The following CELSR2 variants were observed in gnomAD, a reference collection of about 807,000 sequenced individuals.
The protein encoded by CELSR2 is EGF-like protein 2.
A neutral mutation model predicts 251.6 loss-of-function variants in CELSR2; 81 were observed. That is an observed-to-expected ratio of 0.32 (90% CI 0.27 to 0.39). CELSR2 has a LOEUF of 0.39. Among genes scored for constraint, CELSR2 ranks in the 10% least tolerant of loss-of-function variants. The pLI, the probability that CELSR2 is intolerant of heterozygous loss-of-function variation, is 1.00. For missense variants in CELSR2, 3,365 were observed against 3,947.7 expected (o/e 0.85, Z 3.96); for synonymous variants, 1,721 against 1,670.5 (o/e 1.03, Z -0.74).
intron 9 of CELSR2, 135 bp downstream of exon 9, chr1:109,263,912 G>A (rs1418226854): frequency 4.3e-6 from 6 of 1,389,716 alleles, no homozygotes; most frequent in Non-Finnish European, 5.8e-6. Context: ...CGTTGGGAAG[G>A]TCAATGCTGC....
Position 109,252,707 on chromosome 1 carries a change from A to G in CELSR2, c.2628A>G (p.Leu876=), listed in dbSNP as rs374928321. Residue 876 remains leucine, a synonymous_variant, in exon 1 of 34, where the codon CTA becomes CTG. Transcript: ENST00000271332. This position sits in a 1 kb window ranked among gnomAD's most constrained non-coding sequence, Gnocchi z 4.8. The part of the protein sequence containing the change: ...VESTSGIVRT[L]RRLDRENVAQ... ...CCACGTCAGGCATCGTGCGAACGCT[A>G]CGGAGGCTGGATCGAGAGAACGTGG... The G allele has an allele frequency of 8.9e-5, 143 of 1,613,918 alleles. No individual in the cohort carries two copies. The highest frequency in any genetic ancestry group is 1.3e-4 in the East Asian group (6 of 44,894).
At position 109,264,588 on chromosome 1, in the gene CELSR2, C is replaced by T. The variant is rs1191685581; in HGVS notation, c.5424C>T (p.Cys1808=). Residue 1808 remains cysteine, a synonymous_variant, in exon 11 of 34, where the codon TGC becomes TGT. Transcript: ENST00000271332. The part of the protein sequence containing the change: ...DSNPCPANSY[C]SNDWDSYSCS... ...ACCCGTGTCCTGCTAACAGCTATTG[C>T]AGCAACGACTGGGACAGCTATTCCT... The T allele has an allele frequency of 1.9e-6, 3 of 1,613,998 alleles. No individual in the cohort carries two copies. Among genetic ancestry groups the T allele is most frequent in the South Asian group, 2.2e-5 (2 of 91,092 alleles).
Position 109,273,686 on chromosome 1 carries a change from T to C in CELSR2, c.8744+16T>C. On this transcript the variant is annotated intron_variant, in intron 33 of 33. Coordinates refer to ENST00000271332, the MANE Select transcript of CELSR2 (RefSeq NM_001408.3). The stretch of plus-strand genomic sequence containing the variant: ...CAGGCTCCGAGTGAGTGTGGCCGGG[T>C]GGGCGGGACGGGGTGCAGCCCCTCG... 1 of 503,304 alleles carries C rather than the reference T, an allele frequency of 2.0e-6. No individual in the cohort carries two copies. The highest frequency in any genetic ancestry group is 3.5e-6 in the Non-Finnish European group (1 of 287,066). 31.2% of individuals were successfully genotyped at this position (503,304 alleles called of 1,614,324 possible). A position where few individuals can be genotyped will look rare whatever the true frequency, so the allele number is the denominator to read the frequency against.
In CELSR2 at chr1:109,264,469, G is replaced by A. The variant is rs372896199; in HGVS notation, c.5305G>A (p.Asp1769Asn). 1.5e-4 allele frequency: 238 copies of A among 1,613,030 alleles called. No individual in the cohort carries two copies. Among genetic ancestry groups the A allele is most frequent in the Middle Eastern group, 3.3e-4 (2 of 6,084 alleles). Residue 1769 changes from aspartate to asparagine, a missense_variant, in exon 11 of 34, where the codon GAT (aspartate) becomes AAT (asparagine). This residue lies in a region of CELSR2 where 2,093 missense variants were observed against 2,382.8 expected (regional missense o/e 0.88). Coordinates refer to ENST00000271332, the MANE Select transcript of CELSR2 (RefSeq NM_001408.3). ...TCCCTCCCAGGGTGTGCGGGTGAGC[G>A]ATACGCCGGAGGGGGTTAACAGCCT... ...RGCLQGVRVS[D>N]TPEGVNSLDP...
At chr1:109,253,763 G>A (rs558581057) in intron 1 of CELSR2, among the ~76,000 whole-genome samples, 3 of 152,352 alleles carry the variant, frequency 2.0e-5, no homozygotes, top group African/African-American at 4.8e-5. Flanking sequence ...GGACTGTGGC[G>A]CAGGAGAGGA....
At chr1:109,272,010 C>A (rs1486244818) in intron 28 of CELSR2, among the ~76,000 whole-genome samples, 1 of 152,200 alleles carries the variant, frequency 6.6e-6, no homozygotes, top group African/African-American at 2.4e-5. Flanking sequence ...AAGGTGCTCT[C>A]AGGAGACAAT....
chr1:109,266,206 G>A lies in CELSR2; in HGVS notation c.6013G>A (p.Gly2005Arg). 6.2e-7 allele frequency: 1 copy of A among 1,614,028 alleles called. No individual in the cohort carries two copies. The highest frequency in any genetic ancestry group is 8.5e-7 in the Non-Finnish European group (1 of 1,179,990). Residue 2005 changes from glycine to arginine, a missense_variant and splice_region_variant, in exon 15 of 34, where the codon GGG (glycine) becomes AGG (arginine). Gly to Arg is a moderately radical substitution (Grantham distance 125). This residue lies in a region of CELSR2 where 2,093 missense variants were observed against 2,382.8 expected (regional missense o/e 0.88). Coordinates refer to ENST00000271332, the MANE Select transcript of CELSR2 (RefSeq NM_001408.3). ...AAAPCPKGSF[G>R]TAVRHCDEHR... ...TGCTCCCTGTCCCAAAGGCTCCTTT[G>A]GTAGGTGTTGGAGGCCCCGATGTGA...
chr1:109,268,194 C>T (rs1656259188), intron 17 of CELSR2, 134 bp downstream of exon 17: 1 of 1,327,180 alleles, frequency 7.5e-7, no homozygotes, highest in Non-Finnish European at 1.0e-6. Flanking sequence ...AGGAGGCCTC[C>T]ATGAAACCCT....
rs1315992028 is a variant in CELSR2, at chr1:109,251,279, T to C, written c.1200T>C (p.Ser400=). 2.1e-5 allele frequency: 34 copies of C among 1,613,902 alleles called. No homozygotes were observed. Among genetic ancestry groups the C allele is most frequent in the African/African-American group, 4.0e-5 (3 of 74,872 alleles). The change falls in exon 1 of 34, where the codon AGT becomes AGC. Residue 400 remains serine (S), a synonymous_variant. Coordinates refer to ENST00000271332, the MANE Select transcript of CELSR2 (RefSeq NM_001408.3). This position sits in a 1 kb window ranked among gnomAD's most constrained non-coding sequence, Gnocchi z 4.9. ...ACAATGATAATGCCCCCCAGTTTAG[T>C]GAGAAGCGCTATGTGGTCCAGGTGA... The part of the protein sequence containing the change: ...EDDNDNAPQF[S]EKRYVVQVRE...
In CELSR2 at chr1:109,269,585, C is replaced by T. The variant is rs752751655; in HGVS notation, c.6974C>T (p.Ser2325Leu). Residue 2325 changes from serine to leucine, a missense_variant, in exon 21 of 34, where the codon TCA becomes TTA. By Grantham distance (145) the Ser-to-Leu change is moderately radical. This residue lies in a region of CELSR2 where 2,093 missense variants were observed against 2,382.8 expected (regional missense o/e 0.88). Transcript: ENST00000271332. This position sits in a 1 kb window ranked among gnomAD's most constrained non-coding sequence, Gnocchi z 6.4. ...CCCATCTGTGTCTTCTGGAACCATT[C>T]AATCCTGTGAGCCTGCACTGCCCTC... ...TKPICVFWNH[S>L]ILVSGTGGWS... 6.2e-7 allele frequency: 1 copy of T among 1,614,132 alleles called. No homozygotes were observed. The highest frequency in any genetic ancestry group is 8.5e-7 in the Non-Finnish European group (1 of 1,180,014).
Position 109,261,308 on chromosome 1 carries a change from A to C in CELSR2, c.4181+44A>C, listed in dbSNP as rs1465542710. On this transcript the variant is annotated intron_variant, in intron 3 of 33. Coordinates refer to ENST00000271332, the MANE Select transcript of CELSR2 (RefSeq NM_001408.3). The surrounding 1 kb of genome is among the most constrained non-coding windows in gnomAD (Gnocchi z 4.8). ...GGGGTGGGGAGTGGGCCTGGTGGGC[A>C]TCTGAGGTGCCTCCTGTTCTGTGGT... 2 of 1,566,912 alleles carry C rather than the reference A, an allele frequency of 1.3e-6. No homozygotes were observed. Among genetic ancestry groups the C allele is most frequent in the African/African-American group, 2.7e-5 (2 of 74,000 alleles).
In CELSR2 at chr1:109,273,194, C is replaced by T. The variant is rs768272228; in HGVS notation, c.8367C>T (p.Pro2789=). 29 of 1,613,394 alleles carry T rather than the reference C, an allele frequency of 1.8e-5. No homozygotes were observed. Among genetic ancestry groups the T allele is most frequent in the Admixed American group, 1.0e-4 (6 of 59,864 alleles). ...GGGGCCCAGGGCCTGGCAAGGCCCCCTGGCCAGGAGACTTTGGGACCACAG... is the reference window on the plus strand; with the variant it reads ...GGGGCCCAGGGCCTGGCAAGGCCCCTTGGCCAGGAGACTTTGGGACCACAG... ...KDGGPGPGKA[P]WPGDFGTTAK... is the part of the protein sequence containing the mutation. The change falls in exon 32 of 34, where the codon CCC becomes CCT. Residue 2789 remains proline, a synonymous_variant. Coordinates refer to ENST00000271332, the MANE Select transcript of CELSR2 (RefSeq NM_001408.3).
chr1:109,254,578 G>T (rs537479408), intron 1 of CELSR2, among the ~76,000 whole-genome samples: 4 of 152,276 alleles, frequency 2.6e-5, no homozygotes, highest in Admixed American at 2.6e-4. Context: ...CCCAGGGGTG[G>T]ATCAGGTCAC....
Position 109,265,082 on chromosome 1 carries a change from C to T in CELSR2, c.5606+73C>T, listed in dbSNP as rs1401983625. 15 of 1,600,862 alleles carry T rather than the reference C, an allele frequency of 9.4e-6. No homozygotes were observed. In the East Asian group the frequency reaches 1.1e-4, roughly 12 times the overall value. ...CTCTCTGGTGTGTCCCTCAGAGCCCCGAAAGCCTGGCTGATCCACAGCCAG... is the reference window on the plus strand; with the variant it reads ...CTCTCTGGTGTGTCCCTCAGAGCCCTGAAAGCCTGGCTGATCCACAGCCAG... On this transcript the variant is annotated intron_variant, in intron 12 of 33. Coordinates refer to ENST00000271332, the MANE Select transcript of CELSR2 (RefSeq NM_001408.3).
chr1:109,259,737 C>T (rs914943516), intron 2 of CELSR2, among the ~76,000 whole-genome samples: 1 of 152,164 alleles, frequency 6.6e-6, no homozygotes, highest in African/African-American at 2.4e-5. Context: ...CTCCAGAAAA[C>T]CATTGCACCT....
chr1:109,250,636 A>G lies in CELSR2; in HGVS notation c.557A>G (p.Tyr186Cys). Residue 186 changes from tyrosine to cysteine, a missense_variant, in exon 1 of 34, where the codon TAC (tyrosine) becomes TGC (cysteine). Coordinates refer to ENST00000271332, the MANE Select transcript of CELSR2 (RefSeq NM_001408.3). This position sits in a 1 kb window ranked among gnomAD's most constrained non-coding sequence, Gnocchi z 4.4. The part of the protein sequence containing the change: ...NTAPQFQPPS[Y>C]QATVPENQPA... ...GCCCCCCAGTTCCAGCCCCCCAGCT[A>G]CCAGGCCACAGTGCCGGAGAACCAG... The G allele has an allele frequency of 6.2e-7, 1 of 1,613,756 alleles. No individual in the cohort carries two copies. The highest frequency in any genetic ancestry group is 1.3e-5 in the African/African-American group (1 of 74,972).
intron 9 of CELSR2, 106 bp downstream of exon 9, chr1:109,263,883 A>T: frequency 6.9e-7 from 1 of 1,443,258 alleles, no homozygotes; most frequent in East Asian, 2.4e-5. Context: ...GGGTGGGGAC[A>T]TATAGAGGCC....
In CELSR2 at chr1:109,265,392, G is replaced by A. The variant is rs115274210; in HGVS notation, c.5727+81G>A. On this transcript the variant is annotated intron_variant, in intron 13 of 33. Transcript: ENST00000271332. Reference sequence around the variant, plus strand: ...CTGGGCCCTAGAGGGCAGGCTGTAGGGATGGGTCTTCCTGTAGAGCTGAGG... The same window carrying A: ...CTGGGCCCTAGAGGGCAGGCTGTAGAGATGGGTCTTCCTGTAGAGCTGAGG... 1.1e-4 allele frequency: 162 copies of A among 1,439,062 alleles called. No individual in the cohort carries two copies. In the African/African-American group the frequency reaches 2.0e-3, roughly 17 times the overall value. The allele number at this position is 1,439,062 out of a possible 1,614,324, so 89.1% of individuals were successfully genotyped here. A position where few individuals can be genotyped will look rare whatever the true frequency, so the allele number is the denominator to read the frequency against.
intron 17 of CELSR2, among the ~76,000 whole-genome samples, 165 bp from the exon 18 acceptor site, chr1:109,268,416 T>C (rs1260043741): frequency 6.6e-6 from 1 of 152,130 alleles, no homozygotes; most frequent in Non-Finnish European, 1.5e-5. Context: ...TCCAGTGACC[T>C]GAGTGGGCAG....
Sources: allele counts gnomAD v4.1 joint callset (sites outside exome capture counted in the v4.1 genomes callset), GRCh38; gene constraint gnomAD v4.1.1; regional missense constraint gnomAD v4.1.1; non-coding constraint Gnocchi (gnomAD v3.1); transcripts MANE v1.5; gene names NCBI Gene and HGNC (gene_info 2026-07-23, HGNC 2026-07-21).